The following ABCC4 variants were observed in gnomAD, a reference collection of about 807,000 sequenced individuals.
The protein encoded by ABCC4 is ATP-binding cassette sub-family C member 4.
ABCC4 carries 102 observed loss-of-function variants against 168.5 expected under a neutral mutation model. The ratio of observed to expected loss-of-function variants is 0.61; its 90% confidence interval spans 0.52 to 0.71. The LOEUF is 0.71. ABCC4 is among the 30% of genes least tolerant of loss of function. The pLI is 0.00. For synonymous variants in ABCC4, 617 were observed against 590.7 expected, an observed-to-expected ratio of 1.04 and a Z score of -0.65; for missense variants, 1,402 against 1,605.8, an observed-to-expected ratio of 0.87 and a Z score of 2.17.
At chr13:95,299,154 G>A (rs1360633116) in intron 1 of ABCC4, among the ~76,000 whole-genome samples, 1 of 151,530 alleles carries the variant, frequency 6.6e-6, no homozygotes, top group Non-Finnish European at 1.5e-5. Flanking sequence ...AGCTACTCGG[G>A]AGGCTGAGGC....
intron 20 of ABCC4, among the ~76,000 whole-genome samples, chr13:95,107,703 G>C (rs1038009131): frequency 1.3e-5 from 2 of 152,110 alleles, no homozygotes; most frequent in Non-Finnish European, 2.9e-5. Flanking sequence ...GAGGTGAGTG[G>C]ATCACCTGAG....
At chr13:95,254,663 A>G (rs1308541863) in intron 1 of ABCC4, among the ~76,000 whole-genome samples, 1 of 152,240 alleles carries the variant, frequency 6.6e-6, no homozygotes, top group Admixed American at 6.5e-5. Flanking sequence ...GGACACATCT[A>G]AGCCATCCAA....
intron 21 of ABCC4, among the ~76,000 whole-genome samples, chr13:95,079,320 G>A (rs769288692): frequency 6.6e-5 from 10 of 152,174 alleles, no homozygotes; most frequent in Non-Finnish European, 1.0e-4. Flanking sequence ...TGTCTTCTCT[G>A]AAAAGAACAT....
chr13:95,127,543 G>A (rs189078254), intron 19 of ABCC4, among the ~76,000 whole-genome samples: 35 of 152,298 alleles, frequency 2.3e-4, no homozygotes, highest in African/African-American at 8.2e-4. Context: ...CTCCCAAAGT[G>A]CTGGGATTAC....
chr13:95,143,774 C>G (rs2036397375), intron 19 of ABCC4, among the ~76,000 whole-genome samples: 1 of 152,034 alleles, frequency 6.6e-6, no homozygotes, highest in African/African-American at 2.4e-5. Context: ...AAAGTCATGC[C>G]AATGTACTGC....
At chr13:95,087,373 G>A (rs2034290731) in intron 20 of ABCC4, among the ~76,000 whole-genome samples, 1 of 152,152 alleles carries the variant, frequency 6.6e-6, no homozygotes, top group Non-Finnish European at 1.5e-5. Flanking sequence ...CAAAAACTTA[G>A]CTGGGCGTGG....
intron 25 of ABCC4, among the ~76,000 whole-genome samples, chr13:95,066,410 A>G (rs2033547591): frequency 6.7e-6 from 1 of 150,180 alleles, no homozygotes; most frequent in South Asian, 2.1e-4. Context: ...CTACTAGGCG[A>G]CAGGTGCTGT....
chr13:95,221,524 T>C (rs1297450607), intron 4 of ABCC4, among the ~76,000 whole-genome samples: 1 of 152,174 alleles, frequency 6.6e-6, no homozygotes, highest in African/African-American at 2.4e-5. Context: ...CCACCATGCC[T>C]GACCGTTATG....
chr13:95,217,813 C>A (rs1361480385), intron 4 of ABCC4, among the ~76,000 whole-genome samples: 1 of 152,154 alleles, frequency 6.6e-6, no homozygotes, highest in Admixed American at 6.6e-5. Context: ...AACAATATGG[C>A]TCTTACCCAG....
At chr13:95,225,968 TAAAAA>T (rs11414379) in intron 4 of ABCC4, among the ~76,000 whole-genome samples, 1 of 117,806 alleles carries the variant, frequency 8.5e-6, no homozygotes, top group Admixed American at 9.3e-5. Flanking sequence ...CATCTCCACT[TAAAAA>T]AAAAAAAAAA....
At chr13:95,267,200 T>C (rs1024151399) in intron 1 of ABCC4, among the ~76,000 whole-genome samples, 1 of 151,946 alleles carries the variant, frequency 6.6e-6, no homozygotes, top group African/African-American at 2.4e-5. Flanking sequence ...TCATCTTGAA[T>C]TGTAGCTCCC....
intron 1 of ABCC4, among the ~76,000 whole-genome samples, chr13:95,284,888 G>A (rs1037113984): frequency 6.6e-6 from 1 of 151,090 alleles, no homozygotes; most frequent in Non-Finnish European, 1.5e-5. Context: ...ATATTTATTG[G>A]TAAGGTACTT....
At chr13:95,276,530 A>G (rs2040976425) in intron 1 of ABCC4, among the ~76,000 whole-genome samples, 1 of 151,856 alleles carries the variant, frequency 6.6e-6, no homozygotes, top group Non-Finnish European at 1.5e-5. Flanking sequence ...GAAAAAAAGA[A>G]AAAACCAATT....
At chr13:95,130,871 T>C (rs1474861745) in intron 19 of ABCC4, among the ~76,000 whole-genome samples, 3 of 152,170 alleles carry the variant, frequency 2.0e-5, no homozygotes, top group Non-Finnish European at 2.9e-5. Flanking sequence ...TATTTAGCCA[T>C]GTAAACTGCT....
chr13:95,249,834 A>C (rs951801567), intron 1 of ABCC4, among the ~76,000 whole-genome samples: 8 of 152,186 alleles, frequency 5.3e-5, no homozygotes, highest in African/African-American at 1.9e-4. Context: ...AAAATTAAGG[A>C]AAGTGAGAAT....
intron 19 of ABCC4, 140 bp downstream of exon 19, chr13:95,161,047 AAG>A (rs2037082162): frequency 7.5e-6 from 2 of 268,080 alleles, no homozygotes; most frequent in Non-Finnish European, 1.1e-5. Flanking sequence ...AATATCAGTG[AAG>A]TTTCTTGTGG....
intron 19 of ABCC4, among the ~76,000 whole-genome samples, chr13:95,125,397 C>T (rs1387448207): frequency 1.3e-5 from 2 of 152,196 alleles, no homozygotes; most frequent in East Asian, 1.9e-4. Context: ...AATACTTTGG[C>T]TATCACTCCT....
At chr13:95,029,530 TTTACTTA>T (rs1221061787) in intron 30 of ABCC4, among the ~76,000 whole-genome samples, 1 of 152,008 alleles carries the variant, frequency 6.6e-6, no homozygotes, top group Non-Finnish European at 1.5e-5. Context: ...TGACTTACTT[TTTACTTA>T]TTAAAGTTTT....
intron 19 of ABCC4, among the ~76,000 whole-genome samples, chr13:95,153,231 A>G (rs1178511866): frequency 3.9e-5 from 6 of 152,218 alleles, no homozygotes; most frequent in Admixed American, 3.9e-4. Context: ...GTTTTAAATG[A>G]CAATACTTGA....
Sources: gnomAD v4.1 joint callset for allele counts (sites outside exome capture counted in the v4.1 genomes callset) on GRCh38, gnomAD v4.1.1 for gene constraint, MANE v1.5 for transcripts, NCBI Gene and HGNC (gene_info 2026-07-23, HGNC 2026-07-21) for gene names.